The following CPNE8 variants were observed in gnomAD, a reference collection of about 807,000 sequenced individuals.
CPNE8 encodes the protein copine-8.
A neutral mutation model predicts 81.5 loss-of-function variants in CPNE8; 45 were observed. The ratio of observed to expected loss-of-function variants is 0.55; its 90% CI spans 0.44 to 0.71. The LOEUF is 0.71. CPNE8 is among the 30% of genes least tolerant of loss of function. CPNE8 has a pLI of 0.00. For synonymous variants in CPNE8, 252 were observed against 226.3 expected, an observed-to-expected ratio of 1.11 and a Z score of -1.02; for missense variants, 594 against 672.1, an observed-to-expected ratio of 0.88 and a Z score of 1.28.
At chr12:38,742,013 G>C (rs1056094315) in intron 10 of CPNE8, among the ~76,000 whole-genome samples, 14 of 152,164 alleles carry the variant, frequency 9.2e-5, no homozygotes, top group Non-Finnish European at 1.9e-4. Flanking sequence ...TCATTAAAAA[G>C]TCAGGAAACA....
At chr12:38,710,800 C>T (rs1185211644) in intron 13 of CPNE8, among the ~76,000 whole-genome samples, 1 of 152,180 alleles carries the variant, frequency 6.6e-6, no homozygotes. Context: ...GTACAGAACT[C>T]AAATATAGTA....
intron 3 of CPNE8, among the ~76,000 whole-genome samples, chr12:38,869,121 T>C (rs78049777): frequency 0.023 from 3,536 of 152,254 alleles, 133 homozygotes; most frequent in African/African-American, 0.081. Flanking sequence ...CAGATTGCAC[T>C]AGCTTTTTAG....
chr12:38,799,980 A>T (rs975547910), intron 6 of CPNE8, among the ~76,000 whole-genome samples: 1 of 147,528 alleles, frequency 6.8e-6, no homozygotes, highest in African/African-American at 2.5e-5. Flanking sequence ...ACGAGACTGT[A>T]TCCCACACCT....
intron 6 of CPNE8, among the ~76,000 whole-genome samples, chr12:38,798,093 A>G (rs553694650): frequency 1.0e-3 from 154 of 152,308 alleles, no homozygotes; most frequent in South Asian, 2.5e-3. Context: ...TGAAAGTGAC[A>G]GGGAGAATGG....
intron 1 of CPNE8, among the ~76,000 whole-genome samples, chr12:38,883,453 G>A (rs928736905): frequency 2.0e-5 from 3 of 152,092 alleles, no homozygotes; most frequent in African/African-American, 7.2e-5. Context: ...ATTTAATTTT[G>A]TACACAGAAA....
intron 18 of CPNE8, among the ~76,000 whole-genome samples, chr12:38,674,512 T>C (rs1225600345): frequency 1.3e-5 from 2 of 152,166 alleles, no homozygotes; most frequent in Non-Finnish European, 2.9e-5. Context: ...GTGCAAAGCA[T>C]GGAGAGGAAA....
rs575628697 is a variant in CPNE8, at chr12:38,825,850, T to G, written c.407+3529A>C. Among the ~76,000 whole-genome samples the G allele has an allele frequency of 2.6e-5, 4 of 152,348 alleles. No individual in the cohort carries two copies. In the East Asian group the frequency reaches 7.7e-4, roughly 29 times the overall value. Reference sequence around the variant, plus strand: ...GATAGCACGTCACTAGGTGCCTTAATTAATAAAGCCAAAATATCTTTCCAC... The same window carrying G: ...GATAGCACGTCACTAGGTGCCTTAAGTAATAAAGCCAAAATATCTTTCCAC... On this transcript the variant is annotated intron_variant, in intron 6 of 19. Coordinates refer to ENST00000331366, the MANE Select transcript of CPNE8 (RefSeq NM_153634.3).
intron 1 of CPNE8, among the ~76,000 whole-genome samples, chr12:38,879,706 C>A (rs954328168): frequency 9.9e-5 from 15 of 152,028 alleles, no homozygotes; most frequent in African/African-American, 3.4e-4. Flanking sequence ...TATCCTTCCA[C>A]AGATGAAATT....
chr12:38,738,246 G>A (rs1190119759), intron 10 of CPNE8, among the ~76,000 whole-genome samples: 1 of 151,970 alleles, frequency 6.6e-6, no homozygotes, highest in Non-Finnish European at 1.5e-5. Flanking sequence ...AAACATGGGG[G>A]GAAAATGCAT....
chr12:38,680,757 T>C (rs60195018), intron 16 of CPNE8, among the ~76,000 whole-genome samples: 7,126 of 152,134 alleles, frequency 0.047, 396 homozygotes, highest in East Asian at 0.32. Flanking sequence ...GAACAGTTTT[T>C]ATTTTATTAT....
intron 1 of CPNE8, among the ~76,000 whole-genome samples, chr12:38,894,223 T>C (rs1944353956): frequency 6.6e-6 from 1 of 152,158 alleles, no homozygotes; most frequent in South Asian, 2.1e-4. Context: ...GCCATATATA[T>C]GACATTCCAA....
chr12:38,708,661 CCCT>C (rs1940174617), intron 13 of CPNE8, among the ~76,000 whole-genome samples: 1 of 152,036 alleles, frequency 6.6e-6, no homozygotes, highest in Non-Finnish European at 1.5e-5. Flanking sequence ...TGGAAAATGC[CCCT>C]ATTTTACCAT....
At chr12:38,770,797 C>T (rs1941785211) in intron 7 of CPNE8, among the ~76,000 whole-genome samples, 1 of 152,154 alleles carries the variant, frequency 6.6e-6, no homozygotes, top group Non-Finnish European at 1.5e-5. Context: ...GCAAACACTA[C>T]TCCTTCTTTA....
Position 38,674,443 on chromosome 12 carries a change from T to C in CPNE8, c.1432+1274A>G, listed in dbSNP as rs572365159. Among the ~76,000 whole-genome samples the C allele has an allele frequency of 7.9e-5, 12 of 152,292 alleles. No homozygotes were observed. In the South Asian group the frequency reaches 2.3e-3, roughly 29 times the overall value. On this transcript the variant is annotated intron_variant, in intron 18 of 19. Coordinates refer to ENST00000331366, the MANE Select transcript of CPNE8 (RefSeq NM_153634.3). ...GAAGAAAGCATGAGTTATTTTAGCCTACCAATTGGTGAAGTTTGTGAATCA... is the reference window on the plus strand; with the variant it reads ...GAAGAAAGCATGAGTTATTTTAGCCCACCAATTGGTGAAGTTTGTGAATCA...
intron 13 of CPNE8, 124 bp downstream of exon 13, chr12:38,723,648 A>AAT: frequency 1.4e-6 from 1 of 708,024 alleles, no homozygotes; most frequent in Non-Finnish European, 2.5e-6. Flanking sequence ...ACAGAAGTCT[A>AAT]ATAGGCTTGC....
chr12:38,864,281 A>G (rs1943884728), intron 3 of CPNE8, among the ~76,000 whole-genome samples: 1 of 152,104 alleles, frequency 6.6e-6, no homozygotes, highest in Admixed American at 6.6e-5. Context: ...TTGTAAGTTA[A>G]GTTTCACTGA....
intron 6 of CPNE8, among the ~76,000 whole-genome samples, chr12:38,822,699 A>G (rs1943126090): frequency 6.6e-6 from 1 of 152,124 alleles, no homozygotes; most frequent in Non-Finnish European, 1.5e-5. Flanking sequence ...TGTACTATCA[A>G]CTTCATTACA....
chr12:38,687,374 C>CTTTT (rs61259310), intron 15 of CPNE8, among the ~76,000 whole-genome samples: 720 of 58,496 alleles, frequency 0.012, no homozygotes, highest in African/African-American at 0.014. Flanking sequence ...CCAAGACTTT[C>CTTTT]TTTTTTTTTT....
At chr12:38,832,687 C>T (rs1346721928) in intron 5 of CPNE8, among the ~76,000 whole-genome samples, 2 of 151,744 alleles carry the variant, frequency 1.3e-5, no homozygotes. Flanking sequence ...ATTTATGGCA[C>T]TCTCAGCTAA....
Sources: allele counts gnomAD v4.1 joint callset (sites outside exome capture counted in the v4.1 genomes callset), GRCh38; gene constraint gnomAD v4.1.1; transcripts MANE v1.5; gene names NCBI Gene and HGNC (gene_info 2026-07-23, HGNC 2026-07-21).